Variants in CIRSR observed in about 807,000 individuals in gnomAD.
CIRSR encodes CBF1 (RBPJ) interacting corepressor 1.
chr2:174,379,716 C>CTTTT, the CIRSR span, among the ~76,000 whole-genome samples: 740 of 83,718 alleles, frequency 8.8e-3, no homozygotes, highest in African/African-American at 9.6e-3. Flanking sequence ...TGATTCCTGT[C>CTTTT]TTTTTTTTTT....
At chr2:174,380,899 TATC>T in the CIRSR span, 259,195 of 1,021,656 alleles carry the variant, frequency 0.25, 40,498 homozygotes, top group East Asian at 0.67. Context: ...TACACTATGA[TATC>T]ATGTTATTTA....
At chr2:174,378,580 T>C in the CIRSR span, 1 of 295,680 alleles carries the variant, frequency 3.4e-6, no homozygotes, top group Non-Finnish European at 6.5e-6. Context: ...GTACAGTCTA[T>C]TTTTATAATT....
At chr2:174,374,148 G>C in the CIRSR span, among the ~76,000 whole-genome samples, 1 of 152,300 alleles carries the variant, frequency 6.6e-6, no homozygotes, top group Admixed American at 6.5e-5. Context: ...AGCTTTTTGA[G>C]AGCCATTTAA....
the CIRSR span, among the ~76,000 whole-genome samples, chr2:174,362,878 G>C: frequency 2.0e-5 from 3 of 151,966 alleles, no homozygotes; most frequent in African/African-American, 4.8e-5. Context: ...GTTGGAGACT[G>C]AGCATGGACT....
the CIRSR span, among the ~76,000 whole-genome samples, chr2:174,373,749 T>C: frequency 6.7e-6 from 1 of 150,234 alleles, no homozygotes; most frequent in Non-Finnish European, 1.5e-5. Flanking sequence ...ATGTTGAAAA[T>C]GTCTTCCCTC....
chr2:174,373,295 T>C, the CIRSR span, among the ~76,000 whole-genome samples: 1 of 108,720 alleles, frequency 9.2e-6, no homozygotes, highest in African/African-American at 2.6e-5. Context: ...AGCATCTTAT[T>C]CTATAAGACT....
chr2:174,358,795 C>A, the CIRSR span, among the ~76,000 whole-genome samples: 1 of 152,180 alleles, frequency 6.6e-6, no homozygotes, highest in Admixed American at 6.5e-5. Context: ...TCACTGCAAC[C>A]TCTGCCTCCC....
the CIRSR span, among the ~76,000 whole-genome samples, chr2:174,359,511 T>C: frequency 6.6e-6 from 1 of 152,066 alleles, no homozygotes. Context: ...TTTAAAAAAT[T>C]AGTGTGTAAT....
At chr2:174,376,797 CA>C in the CIRSR span, among the ~76,000 whole-genome samples, 1 of 80,284 alleles carries the variant, frequency 1.2e-5, no homozygotes, top group African/African-American at 5.0e-5. Flanking sequence ...GACTCTGTCT[CA>C]GGGAAAAAAA....
the CIRSR span, chr2:174,378,549 A>T: frequency 4.3e-6 from 1 of 233,242 alleles, no homozygotes; most frequent in African/African-American, 2.3e-5. Context: ...TACTAAAAAG[A>T]GATGGCTGCT....
chr2:174,375,729 C>T, the CIRSR span, among the ~76,000 whole-genome samples: 1 of 152,176 alleles, frequency 6.6e-6, no homozygotes, highest in South Asian at 2.1e-4. Flanking sequence ...ATTTAGTTTT[C>T]ATTCCTTTGG....
chr2:174,379,748 G>A, the CIRSR span, among the ~76,000 whole-genome samples: 11 of 120,950 alleles, frequency 9.1e-5, no homozygotes, highest in Admixed American at 4.1e-4. Context: ...TTTTGAGATG[G>A]AGTCTCGCTC....
the CIRSR span, among the ~76,000 whole-genome samples, chr2:174,374,672 G>C: frequency 6.6e-6 from 1 of 152,330 alleles, no homozygotes; most frequent in African/African-American, 2.4e-5. Flanking sequence ...ATGCCTGGCT[G>C]TAAACCTGGC....
chr2:174,351,696 C>G, the CIRSR span: 6 of 1,613,420 alleles, frequency 3.7e-6, no homozygotes, highest in Non-Finnish European at 5.1e-6. Context: ...CTCATCTCCG[C>G]TATTAGCTCC....
the CIRSR span, chr2:174,348,765 T>A: frequency 6.2e-7 from 1 of 1,614,228 alleles, no homozygotes; most frequent in Non-Finnish European, 8.5e-7. Flanking sequence ...GCTATGTTTA[T>A]GGGTTCTGGA....
chr2:174,367,594 T>C, the CIRSR span, among the ~76,000 whole-genome samples: 1 of 150,806 alleles, frequency 6.6e-6, no homozygotes, highest in African/African-American at 2.4e-5. Context: ...AAAAAAATAT[T>C]TGGTGGGCAT....
chr2:174,383,584 G>A, the CIRSR span, among the ~76,000 whole-genome samples: 1 of 151,748 alleles, frequency 6.6e-6, no homozygotes, highest in African/African-American at 2.4e-5. Context: ...GCCGGGCGTG[G>A]TGGCAGGCAC....
chr2:174,351,526 T>C, the CIRSR span: 2 of 993,996 alleles, frequency 2.0e-6, no homozygotes, highest in Non-Finnish European at 3.1e-6. Flanking sequence ...TTCCTATGGA[T>C]ATATGCATAT....
the CIRSR span, among the ~76,000 whole-genome samples, chr2:174,365,966 T>C: frequency 3.3e-5 from 5 of 152,146 alleles, no homozygotes; most frequent in Non-Finnish European, 5.9e-5. Context: ...AGGGCTCTAA[T>C]GGAAAAACTG....
Sources: allele counts gnomAD v4.1 joint callset (sites outside exome capture counted in the v4.1 genomes callset), GRCh38; gene constraint gnomAD v4.1.1; transcripts MANE v1.5; gene names NCBI Gene and HGNC (gene_info 2026-07-23, HGNC 2026-07-21).